The following MARCHF6 variants were observed in gnomAD, a reference collection of about 807,000 sequenced individuals.
MARCHF6 encodes E3 ubiquitin-protein ligase MARCHF6.
In MARCHF6, 31 loss-of-function variants were observed where a neutral mutation model predicts 133.7. That is an observed-to-expected ratio of 0.23 (90% CI 0.17 to 0.31). The LOEUF (loss-of-function observed/expected upper bound fraction) is 0.31. MARCHF6 is among the 10% of genes least tolerant of loss of function. The pLI is 1.00. For missense variants in MARCHF6, 723 were observed against 1,121.6 expected, an observed-to-expected ratio of 0.64 and a Z score of 5.08; for synonymous variants, 395 against 402.5, an observed-to-expected ratio of 0.98 and a Z score of 0.22.
chr5:10,391,494 C>T lies in MARCHF6; in HGVS notation c.577-48C>T, dbSNP rs368789492. The T allele has an allele frequency of 4.9e-6, 3 of 609,274 alleles. No homozygotes were observed. The African/African-American group carries it at 6.8e-5, about 14-fold the overall frequency. The allele number at this position is 609,274 out of a possible 1,614,324, so 37.7% of individuals were successfully genotyped here. On this transcript the variant is annotated intron_variant, in intron 6 of 25. Coordinates refer to ENST00000274140, the MANE Select transcript of MARCHF6 (RefSeq NM_005885.4). ...GGAATAATGTGATTTGGAAACAGAG[C>T]AAAACAGACAAGTGGATCTAAATTT...
At chr5:10,361,499 A>G (rs1735817897) in intron 1 of MARCHF6, among the ~76,000 whole-genome samples, 3 of 152,162 alleles carry the variant, frequency 2.0e-5, no homozygotes, top group African/African-American at 4.8e-5. Flanking sequence ...TTGTCCCTCT[A>G]TGTCCTAATC....
chr5:10,354,108 C>T, intron 1 of MARCHF6, 191 bp downstream of exon 1: 1 of 418,706 alleles, frequency 2.4e-6, no homozygotes, highest in Non-Finnish European at 3.9e-6. Context: ...CGTTTCCCGC[C>T]CGCGCCGCCG....
rs1008130844 is a variant in MARCHF6, at chr5:10,439,372, C to T, written c.*5688C>T. 3 of 152,166 alleles carry T rather than the reference C, an allele frequency of 2.0e-5. No individual in the cohort carries two copies. Among genetic ancestry groups the T allele is most frequent in the Non-Finnish European group, 4.4e-5 (3 of 68,042 alleles). The allele number at this position is 152,166 out of a possible 1,614,324, so 9.4% of individuals were successfully genotyped here. ...AAGACAACAAGGAAAACGTGTTCAG[C>T]CTTGGGTTAGGAAAAGATTTCTTAA... On this transcript the variant is annotated 3_prime_UTR_variant, in exon 26 of 26. Coordinates refer to ENST00000274140, the MANE Select transcript of MARCHF6 (RefSeq NM_005885.4).
At chr5:10,426,567 A>G in intron 24 of MARCHF6, 45 bp downstream of exon 24, 1 of 1,600,010 alleles carries the variant, frequency 6.2e-7, no homozygotes, top group Non-Finnish European at 8.5e-7. Context: ...ACTTTTATTA[A>G]CATTGGACAT....
At chr5:10,393,412 A>G (rs1300044034) in intron 7 of MARCHF6, among the ~76,000 whole-genome samples, 2 of 151,988 alleles carry the variant, frequency 1.3e-5, no homozygotes, top group Non-Finnish European at 2.9e-5. Flanking sequence ...GGTAGCTCAG[A>G]GTACCTGGTA....
chr5:10,385,561 G>C (rs1160347473), intron 4 of MARCHF6, among the ~76,000 whole-genome samples: 1 of 152,116 alleles, frequency 6.6e-6, no homozygotes, highest in Non-Finnish European at 1.5e-5. Context: ...TACTACAAGA[G>C]ATAAATACAA....
chr5:10,418,578 A>G (rs189524892), intron 22 of MARCHF6, among the ~76,000 whole-genome samples: 50 of 152,294 alleles, frequency 3.3e-4, no homozygotes, highest in Admixed American at 2.1e-3. Flanking sequence ...AGTCATTCAA[A>G]GGCTTTTTAG....
chr5:10,389,292 C>A (rs1295376250), intron 5 of MARCHF6, among the ~76,000 whole-genome samples: 1 of 152,148 alleles, frequency 6.6e-6, no homozygotes, highest in Admixed American at 6.5e-5. Context: ...GATGCATTTT[C>A]TTGTATGATT....
intron 4 of MARCHF6, 126 bp from the exon 5 acceptor site, chr5:10,386,866 GCT>G: frequency 1.5e-6 from 1 of 667,200 alleles, no homozygotes; most frequent in Non-Finnish European, 2.8e-6. Context: ...TGAGACTTAG[GCT>G]TGTAAAGACT....
chr5:10,385,287 AC>A (rs1343159482), intron 4 of MARCHF6, among the ~76,000 whole-genome samples: 1 of 152,204 alleles, frequency 6.6e-6, no homozygotes, highest in Non-Finnish European at 1.5e-5. Flanking sequence ...TTAAGAATTC[AC>A]CCATCTGTAC....
At chr5:10,376,215 T>C (rs1193454774) in intron 1 of MARCHF6, among the ~76,000 whole-genome samples, 2 of 152,178 alleles carry the variant, frequency 1.3e-5, no homozygotes, top group Admixed American at 6.5e-5. Context: ...TTTTATGAGC[T>C]GTAACACTCA....
chr5:10,402,619 A>G lies in MARCHF6; in HGVS notation c.1197+12A>G. On this transcript the variant is annotated intron_variant, in intron 14 of 25. Coordinates refer to ENST00000274140, the MANE Select transcript of MARCHF6 (RefSeq NM_005885.4). Reference sequence around the variant, plus strand: ...ATATCTGTTCCTTGGTAAGTTGAGTATTCATTATTGTATAATAGCATAATT... The same window carrying G: ...ATATCTGTTCCTTGGTAAGTTGAGTGTTCATTATTGTATAATAGCATAATT... 2 of 1,601,232 alleles carry G rather than the reference A, an allele frequency of 1.2e-6. No homozygotes were observed. Among genetic ancestry groups the G allele is most frequent in the Non-Finnish European group, 8.6e-7 (1 of 1,168,526 alleles).
intron 1 of MARCHF6, among the ~76,000 whole-genome samples, chr5:10,360,096 A>T (rs1352176928): frequency 6.9e-6 from 1 of 145,726 alleles, no homozygotes; most frequent in African/African-American, 2.5e-5. Flanking sequence ...GGCTGTTAGT[A>T]GTTTTCCATT....
At chr5:10,413,935 A>G (rs1739368621) in intron 19 of MARCHF6, among the ~76,000 whole-genome samples, 2 of 152,244 alleles carry the variant, frequency 1.3e-5, no homozygotes, top group South Asian at 2.1e-4. Flanking sequence ...GGCTATTTAC[A>G]TTTCAATTTA....
chr5:10,429,702 C>T (rs773595208), intron 24 of MARCHF6, among the ~76,000 whole-genome samples, 191 bp from the exon 25 acceptor site: 1 of 152,064 alleles, frequency 6.6e-6, no homozygotes, highest in South Asian at 2.1e-4. Context: ...TGCCTGGCCT[C>T]CTTGTTTTAC....
At chr5:10,356,276 C>T (rs186239751) in intron 1 of MARCHF6, among the ~76,000 whole-genome samples, 29 of 151,130 alleles carry the variant, frequency 1.9e-4, no homozygotes, top group Admixed American at 1.2e-3. Context: ...AAACATAAAA[C>T]TAAATTAAAA....
intron 1 of MARCHF6, chr5:10,354,138 C>T (rs1012753994): frequency 1.2e-4 from 41 of 339,942 alleles, no homozygotes; most frequent in Non-Finnish European, 5.7e-5. Context: ...GGGACCCTGC[C>T]GGGCAGGGGC....
At chr5:10,432,332 A>G (rs1740411136) in intron 25 of MARCHF6, among the ~76,000 whole-genome samples, 1 of 152,210 alleles carries the variant, frequency 6.6e-6, no homozygotes, top group South Asian at 2.1e-4. Flanking sequence ...GAGGAAAGGG[A>G]CGAAGGAAAG....
At chr5:10,379,080 T>TAA (rs11378911) in intron 3 of MARCHF6, among the ~76,000 whole-genome samples, 4 of 151,738 alleles carry the variant, frequency 2.6e-5, no homozygotes, top group Non-Finnish European at 5.9e-5. Flanking sequence ...TTTTTGTCTT[T>TAA]AAAATTTATT....
Sources: allele counts gnomAD v4.1 joint callset (sites outside exome capture counted in the v4.1 genomes callset), GRCh38; gene constraint gnomAD v4.1.1; transcripts MANE v1.5; gene names NCBI Gene and HGNC (gene_info 2026-07-23, HGNC 2026-07-21).